Variants in GNAQ observed in about 807,000 individuals in gnomAD.
The protein encoded by GNAQ is guanine nucleotide-binding protein G(q) subunit alpha.
In GNAQ, 8 loss-of-function variants were observed where a neutral mutation model predicts 43.9. That is an observed-to-expected ratio of 0.18 (90% CI 0.11 to 0.33). The LOEUF is 0.33. GNAQ is among the 10% of genes least tolerant of loss of function. The pLI, the probability that GNAQ is intolerant of heterozygous loss-of-function variation, is 1.00. For synonymous variants in GNAQ, 155 were observed against 170.7 expected (o/e 0.91, Z 0.71); for missense variants, 158 against 450.8 (o/e 0.35, Z 5.88).
chr9:77,877,524 T>C (rs1381105512), intron 2 of GNAQ, among the ~76,000 whole-genome samples: 1 of 152,118 alleles, frequency 6.6e-6, no homozygotes, highest in Non-Finnish European at 1.5e-5. Flanking sequence ...ATTTTTCAAA[T>C]TAGGGAAAAA....
intron 1 of GNAQ, among the ~76,000 whole-genome samples, chr9:78,015,609 AC>A (rs1416928716): frequency 6.6e-6 from 1 of 152,238 alleles, no homozygotes; most frequent in African/African-American, 2.4e-5. Context: ...TACCCATAAA[AC>A]AAAAATTGAC....
chr9:77,740,772 G>A (rs1825641315), intron 5 of GNAQ, among the ~76,000 whole-genome samples: 1 of 152,100 alleles, frequency 6.6e-6, no homozygotes, highest in Non-Finnish European at 1.5e-5. Context: ...TTTTTATGAA[G>A]CTTAATATTA....
chr9:77,863,212 A>AAGGAAGGAAGGC (rs1564133727), intron 2 of GNAQ, among the ~76,000 whole-genome samples: 2 of 145,764 alleles, frequency 1.4e-5, no homozygotes, highest in East Asian at 3.9e-4. Flanking sequence ...GGAAGGAAGG[A>AAGGAAGGAAGGC]AGGAAGGGAG....
At chr9:77,997,147 T>C (rs554311208) in intron 1 of GNAQ, among the ~76,000 whole-genome samples, 4 of 152,364 alleles carry the variant, frequency 2.6e-5, no homozygotes, top group Non-Finnish European at 4.4e-5. Context: ...GTGATGCGCA[T>C]GCCCATAGCT....
chr9:77,784,764 T>TTCTTTA (rs1826451106), intron 5 of GNAQ, among the ~76,000 whole-genome samples: 1 of 152,160 alleles, frequency 6.6e-6, no homozygotes, highest in Non-Finnish European at 1.5e-5. Context: ...TTCCTCTATA[T>TTCTTTA]TAATAATAAA....
At chr9:77,730,482 C>T (rs915676323) in intron 5 of GNAQ, among the ~76,000 whole-genome samples, 1 of 152,052 alleles carries the variant, frequency 6.6e-6, no homozygotes, top group Non-Finnish European at 1.5e-5. Flanking sequence ...TTTTTTTCTT[C>T]TGTAAAGTGT....
chr9:78,020,532 G>A (rs899830188), intron 1 of GNAQ, among the ~76,000 whole-genome samples: 4 of 152,142 alleles, frequency 2.6e-5, no homozygotes, highest in African/African-American at 9.7e-5. Context: ...CCCACCATCT[G>A]GGTGAGGAAG....
At chr9:78,028,996 A>G (rs1303258489) in intron 1 of GNAQ, among the ~76,000 whole-genome samples, 2 of 152,242 alleles carry the variant, frequency 1.3e-5, no homozygotes, top group Non-Finnish European at 2.9e-5. Context: ...AGTTCTCCAC[A>G]CTACCACCAC....
At chr9:77,976,115 C>T (rs1823298540) in intron 1 of GNAQ, among the ~76,000 whole-genome samples, 1 of 152,194 alleles carries the variant, frequency 6.6e-6, no homozygotes, top group African/African-American at 2.4e-5. Flanking sequence ...CATTCTGATT[C>T]CATTTACTAT....
Position 77,940,783 on chromosome 9 carries a change from C to T in GNAQ, c.137-18438G>A, listed in dbSNP as rs577840191. On this transcript the variant is annotated intron_variant, in intron 1 of 6. Coordinates refer to ENST00000286548, the MANE Select transcript of GNAQ (RefSeq NM_002072.5). ...GAGATCGAGACCATCCTGGCTAACACGGTGAAACCCCATCTCTACTAAAAA... is the reference window on the plus strand; with the variant it reads ...GAGATCGAGACCATCCTGGCTAACATGGTGAAACCCCATCTCTACTAAAAA... Among the ~76,000 whole-genome samples the T allele has an allele frequency of 4.0e-5, 6 of 151,760 alleles. No individual in the cohort carries two copies. The East Asian group carries it at 1.2e-3, about 30-fold the overall frequency.
chr9:78,002,124 AG>A (rs1401237820), intron 1 of GNAQ, among the ~76,000 whole-genome samples: 3 of 152,240 alleles, frequency 2.0e-5, no homozygotes, highest in Non-Finnish European at 4.4e-5. Flanking sequence ...TGACATTAGC[AG>A]TCAACCATTC....
rs147054375 is a variant in GNAQ, at chr9:77,949,752, T to G, written c.137-27407A>C. 2.6e-5 allele frequency among the ~76,000 whole-genome samples: 4 copies of G among 152,276 alleles called. No individual in the cohort carries two copies. In the East Asian group the frequency reaches 7.7e-4, roughly 29 times the overall value. ...TATTTTTAAAGGGAAATATTAGAGA[T>G]TCACATGCACATTCTCCTTGTGGGC... On this transcript the variant is annotated intron_variant, in intron 1 of 6. Coordinates refer to ENST00000286548, the MANE Select transcript of GNAQ (RefSeq NM_002072.5).
At chr9:77,926,580 C>T (rs2118291795) in intron 1 of GNAQ, among the ~76,000 whole-genome samples, 1 of 152,218 alleles carries the variant, frequency 6.6e-6, no homozygotes, top group Middle Eastern at 3.4e-3. Flanking sequence ...CAAGCCCTTA[C>T]ATAAAATATC....
At chr9:77,810,207 C>CATCTATCTATCT (rs10578686) in intron 3 of GNAQ, among the ~76,000 whole-genome samples, 15 of 144,856 alleles carry the variant, frequency 1.0e-4, no homozygotes, top group East Asian at 4.1e-4. Context: ...AACTGTCAAT[C>CATCTATCTATCT]ATCTATCTAT....
chr9:77,938,729 GA>G (rs1472822454), intron 1 of GNAQ, among the ~76,000 whole-genome samples: 3 of 152,198 alleles, frequency 2.0e-5, no homozygotes, highest in Non-Finnish European at 2.9e-5. Context: ...GAAAACTGGT[GA>G]AGTGTGAAGC....
intron 2 of GNAQ, among the ~76,000 whole-genome samples, chr9:77,847,448 T>C (rs1156623718): frequency 6.6e-6 from 1 of 152,100 alleles, no homozygotes; most frequent in Non-Finnish European, 1.5e-5. Flanking sequence ...ATGACTCCTT[T>C]AAAGACCACG....
Position 77,893,034 on chromosome 9 carries a change from T to C in GNAQ, c.321+29127A>G, listed in dbSNP as rs73653018. Among the ~76,000 whole-genome samples the C allele has an allele frequency of 6.1e-3, 932 of 152,318 alleles. 10 individuals carry two copies. Among genetic ancestry groups the C allele is most frequent in the African/African-American group, 0.021 (880 of 41,566 alleles). On this transcript the variant is annotated intron_variant, in intron 2 of 6. Transcript: ENST00000286548. Reference sequence around the variant, plus strand: ...ATCTAAGGGTAAACTGCCCACTTTATGGATAATCTACTAGGCTTGGAAAGC... The same window carrying C: ...ATCTAAGGGTAAACTGCCCACTTTACGGATAATCTACTAGGCTTGGAAAGC...
chr9:77,877,950 C>T (rs1283454838), intron 2 of GNAQ, among the ~76,000 whole-genome samples: 1 of 152,132 alleles, frequency 6.6e-6, no homozygotes, highest in Non-Finnish European at 1.5e-5. Flanking sequence ...GTCTAGCCCT[C>T]TTCCCTAACA....
chr9:77,938,097 T>C (rs1169342944), intron 1 of GNAQ, among the ~76,000 whole-genome samples: 3 of 152,128 alleles, frequency 2.0e-5, no homozygotes, highest in Non-Finnish European at 4.4e-5. Flanking sequence ...GCATACAAAC[T>C]ACACACATCC....
Sources: allele counts gnomAD v4.1 joint callset (sites outside exome capture counted in the v4.1 genomes callset), GRCh38; gene constraint gnomAD v4.1.1; transcripts MANE v1.5; gene names NCBI Gene and HGNC (gene_info 2026-07-23, HGNC 2026-07-21).